The following CNTNAP5 variants were observed in gnomAD, a reference collection of about 807,000 sequenced individuals.
The protein encoded by CNTNAP5 is contactin-associated protein-like 5.
In CNTNAP5, 72 loss-of-function variants were observed where a neutral mutation model predicts 150.2. That is an observed-to-expected ratio of 0.48 (90% confidence interval 0.40 to 0.58). The LOEUF (loss-of-function observed/expected upper bound fraction) is 0.58, where lower values mean the gene tolerates loss of function less well. CNTNAP5 is among the 20% of genes least tolerant of loss of function. The pLI is 0.00. For synonymous variants in CNTNAP5, 672 were observed against 619.8 expected (o/e 1.08, Z -1.25); for missense variants, 1,636 against 1,626.2 (o/e 1.01, Z -0.10).
intron 1 of CNTNAP5, among the ~76,000 whole-genome samples, chr2:124,028,016 A>G (rs1680945717): frequency 6.6e-6 from 1 of 152,168 alleles, no homozygotes; most frequent in Non-Finnish European, 1.5e-5. Flanking sequence ...TTTATCTATA[A>G]TCAATTAATA....
chr2:124,280,512 T>C (rs949081092), intron 3 of CNTNAP5, among the ~76,000 whole-genome samples: 15 of 152,118 alleles, frequency 9.9e-5, no homozygotes, highest in Non-Finnish European at 1.3e-4. Context: ...ACACCACCAG[T>C]GGCACAAGGC....
chr2:124,785,137 C>T (rs1681538560), intron 17 of CNTNAP5, among the ~76,000 whole-genome samples: 1 of 150,278 alleles, frequency 6.7e-6, no homozygotes, highest in South Asian at 2.1e-4. Flanking sequence ...TCTAAAATTA[C>T]AGTGAACTGT....
At chr2:124,684,996 TG>T (rs1679158348) in intron 13 of CNTNAP5, among the ~76,000 whole-genome samples, 1 of 152,118 alleles carries the variant, frequency 6.6e-6, no homozygotes, top group African/African-American at 2.4e-5. Flanking sequence ...CAACAGATGC[TG>T]GGTTCCTTCT....
chr2:124,037,882 C>T (rs1462140089), intron 1 of CNTNAP5, among the ~76,000 whole-genome samples: 1 of 152,086 alleles, frequency 6.6e-6, no homozygotes, highest in East Asian at 1.9e-4. Flanking sequence ...ATGTTGTACT[C>T]CACAAATACA....
At chr2:124,510,307 A>ATC (rs1427079459) in intron 8 of CNTNAP5, among the ~76,000 whole-genome samples, 27 of 113,530 alleles carry the variant, frequency 2.4e-4, no homozygotes, top group African/African-American at 8.0e-4. Context: ...ATATCTATAT[A>ATC]TATATCTATA....
intron 1 of CNTNAP5, among the ~76,000 whole-genome samples, chr2:124,166,174 C>G (rs1684807330): frequency 6.6e-6 from 1 of 152,112 alleles, no homozygotes; most frequent in African/African-American, 2.4e-5. Context: ...TTTGCCTGCT[C>G]TGGTTCATTA....
intron 1 of CNTNAP5, among the ~76,000 whole-genome samples, chr2:124,217,484 T>C (rs1686188421): frequency 6.6e-6 from 1 of 152,150 alleles, no homozygotes; most frequent in Non-Finnish European, 1.5e-5. Flanking sequence ...TCCCCAGCCA[T>C]GTGCTTGGGG....
At chr2:124,110,993 T>C (rs893725209) in intron 1 of CNTNAP5, among the ~76,000 whole-genome samples, 1 of 152,158 alleles carries the variant, frequency 6.6e-6, no homozygotes, top group Non-Finnish European at 1.5e-5. Context: ...TCTACTTGTC[T>C]GGTAAATGAA....
intron 3 of CNTNAP5, among the ~76,000 whole-genome samples, chr2:124,256,452 T>C (rs1315832428): frequency 6.6e-6 from 1 of 152,042 alleles, no homozygotes; most frequent in African/African-American, 2.4e-5. Flanking sequence ...AAAACTTTGG[T>C]TGTGAGTCTC....
chr2:124,094,047 A>G (rs1449358210), intron 1 of CNTNAP5, among the ~76,000 whole-genome samples: 1 of 152,240 alleles, frequency 6.6e-6, no homozygotes, highest in Non-Finnish European at 1.5e-5. Context: ...TCGAATAATG[A>G]GTTTTGAAAC....
At chr2:124,324,464 G>A (rs966600912) in intron 3 of CNTNAP5, among the ~76,000 whole-genome samples, 3 of 152,210 alleles carry the variant, frequency 2.0e-5, no homozygotes, top group African/African-American at 4.8e-5. Flanking sequence ...GAAAGGGAGT[G>A]AGATTTGCGG....
At chr2:124,721,962 T>C (rs1214031370) in intron 13 of CNTNAP5, among the ~76,000 whole-genome samples, 4 of 152,040 alleles carry the variant, frequency 2.6e-5, no homozygotes. Flanking sequence ...CACACAGCCT[T>C]TCTTCTCTGC....
At position 124,504,356 on chromosome 2, in the gene CNTNAP5, G is replaced by T. The variant is rs1227339071; in HGVS notation, c.1127G>T (p.Gly376Val). The T allele has an allele frequency of 6.2e-7, 1 of 1,613,900 alleles. No homozygotes were observed. Among genetic ancestry groups the T allele is most frequent in the Non-Finnish European group, 8.5e-7 (1 of 1,179,854 alleles). ...IVPITFVNSSGSYLLLPGTPQ... is the reference protein window; with the variant it reads ...IVPITFVNSSVSYLLLPGTPQ... The stretch of plus-strand genomic sequence containing the variant: ...CCCATCACATTTGTCAACTCCAGCG[G>T]CAGCTATTTGCTGCTGCCCGGCACC... The change falls in exon 8 of 24, where the codon GGC becomes GTC. Residue 376 changes from glycine to valine, a missense_variant. Transcript: ENST00000682447.
intron 3 of CNTNAP5, among the ~76,000 whole-genome samples, chr2:124,376,751 A>G (rs1690659111): frequency 6.6e-6 from 1 of 152,082 alleles, no homozygotes; most frequent in Non-Finnish European, 1.5e-5. Context: ...TTTTCAAAAG[A>G]TATTTACTGT....
intron 1 of CNTNAP5, among the ~76,000 whole-genome samples, chr2:124,039,892 G>GT (rs957213509): frequency 2.6e-5 from 4 of 151,760 alleles, no homozygotes; most frequent in Non-Finnish European, 2.9e-5. Flanking sequence ...TTTATTTTTA[G>GT]TTTTTTTTCA....
At chr2:124,450,261 T>C (rs1210243478) in intron 6 of CNTNAP5, among the ~76,000 whole-genome samples, 1 of 151,274 alleles carries the variant, frequency 6.6e-6, no homozygotes, top group Non-Finnish European at 1.5e-5. Flanking sequence ...ATACTTCTGA[T>C]ATATATATAT....
intron 3 of CNTNAP5, among the ~76,000 whole-genome samples, chr2:124,369,909 G>A (rs1430641384): frequency 2.6e-5 from 4 of 152,122 alleles, no homozygotes; most frequent in African/African-American, 9.7e-5. Flanking sequence ...GTACCCTGCT[G>A]TGTGGTCATG....
In CNTNAP5 at chr2:124,398,480, C is replaced by CTTTA. The variant is rs71394036; in HGVS notation, c.382-18935_382-18932dup. Among the ~76,000 whole-genome samples the CTTTA allele has an allele frequency of 9.0e-3, 1,338 of 147,984 alleles. 12 individuals are homozygous for CTTTA. The highest frequency in any genetic ancestry group is 0.026 in the African/African-American group (1,069 of 40,552). ...TATAGGGAATATTAAGAAATTTTTA[C>CTTTA]TTTATTTATTTATTTATTTATTTAT... is the stretch of plus-strand genomic sequence containing the variant. On this transcript the variant is annotated intron_variant, in intron 3 of 23. Coordinates refer to ENST00000682447, the MANE Select transcript of CNTNAP5 (RefSeq NM_001367498.1).
chr2:124,451,077 T>TATATATATATATACAC (rs755084840), intron 6 of CNTNAP5, among the ~76,000 whole-genome samples: 23 of 61,512 alleles, frequency 3.7e-4, no homozygotes, highest in African/African-American at 1.3e-3. Flanking sequence ...TATATATATA[T>TATATATATATATACAC]ACACACACAC....
Sources: allele counts gnomAD v4.1 joint callset (sites outside exome capture counted in the v4.1 genomes callset), GRCh38; gene constraint gnomAD v4.1.1; transcripts MANE v1.5; gene names NCBI Gene and HGNC (gene_info 2026-07-23, HGNC 2026-07-21).